TMEM117: variants seen among roughly 807,000 people sequenced by gnomAD.
TMEM117 encodes the protein transmembrane protein 117.
Under a neutral mutation model 52.4 loss-of-function variants are expected in TMEM117, and 27 were observed. That is an observed-to-expected ratio of 0.51 (90% CI 0.38 to 0.71). The LOEUF is 0.71. Ranked by LOEUF, TMEM117 falls within the 30% of genes least tolerant of loss-of-function variation. TMEM117 has a pLI of 0.00. For missense variants in TMEM117, 556 were observed against 630.5 expected (o/e 0.88, Z 1.26); for synonymous variants, 215 against 206.3 (o/e 1.04, Z -0.36).
intron 3 of TMEM117, among the ~76,000 whole-genome samples, chr12:44,022,766 A>G (rs1012907152): frequency 6.6e-6 from 1 of 152,190 alleles, no homozygotes; most frequent in Non-Finnish European, 1.5e-5. Context: ...TAATTGTTGT[A>G]TGTTCCTTTC....
intron 3 of TMEM117, among the ~76,000 whole-genome samples, chr12:44,074,402 C>G (rs913529847): frequency 1.3e-5 from 2 of 152,036 alleles, no homozygotes; most frequent in Non-Finnish European, 2.9e-5. Flanking sequence ...ATACCAGAAA[C>G]AAATTAATAG....
chr12:43,971,862 C>T (rs901348869), intron 3 of TMEM117, among the ~76,000 whole-genome samples: 2 of 152,230 alleles, frequency 1.3e-5, no homozygotes, highest in Non-Finnish European at 2.9e-5. Flanking sequence ...ACCTAATCAT[C>T]TTGAATAACG....
chr12:44,290,984 T>C (rs183990730), intron 5 of TMEM117, among the ~76,000 whole-genome samples: 1 of 152,284 alleles, frequency 6.6e-6, no homozygotes, highest in East Asian at 1.9e-4. Context: ...ACATCTTCTA[T>C]AGTTTTATAT....
rs58794606 is a variant in TMEM117, at chr12:43,991,437, TTATCTATCTATC to T, written c.410+47122_410+47133del. Among the ~76,000 whole-genome samples, 1,156 of 150,158 alleles carry T rather than the reference TTATCTATCTATC, an allele frequency of 7.7e-3. 7 individuals are homozygous for T. The highest frequency in any genetic ancestry group is 0.052 in the East Asian group (265 of 5,060). On this transcript the variant is annotated intron_variant, in intron 3 of 7. Coordinates refer to ENST00000266534, the MANE Select transcript of TMEM117 (RefSeq NM_032256.3). ...ATAACCAATCCACAAATATTTATTG[TTATCTATCTATC>T]TATCTATCTATCTATCTATCTATCT...
rs1278740326 is a variant in TMEM117, at chr12:44,388,091, C to A, written c.964C>A (p.Gln322Lys). 1.2e-6 allele frequency: 2 copies of A among 1,612,450 alleles called. No homozygotes were observed. The highest frequency in any genetic ancestry group is 1.7e-6 in the Non-Finnish European group (2 of 1,179,316). The change falls in exon 8 of 8, where the codon CAA (glutamine) becomes AAA (lysine). Residue 322 changes from glutamine to lysine, a missense_variant. By Grantham distance (53) the Gln-to-Lys change is moderately conservative. This residue lies in a region of TMEM117 where 22 missense variants were observed against 48.1 expected (regional missense o/e 0.46). Transcript: ENST00000266534. ...LILDLNMWKN[Q>K]IFYKPHEYGQ... ...TTTGGATCTTAATATGTGGAAGAAC[C>A]AAATATTTTATAAACCTCATGAATA... is the stretch of plus-strand genomic sequence containing the variant.
intron 3 of TMEM117, among the ~76,000 whole-genome samples, chr12:43,948,160 G>A (rs1334161624): frequency 6.6e-6 from 1 of 151,988 alleles, no homozygotes; most frequent in African/African-American, 2.4e-5. Context: ...GAGGGAAAGA[G>A]GTAAGTTAGT....
At chr12:43,968,414 A>G (rs1014997178) in intron 3 of TMEM117, among the ~76,000 whole-genome samples, 1 of 152,224 alleles carries the variant, frequency 6.6e-6, no homozygotes, top group African/African-American at 2.4e-5. Flanking sequence ...GACTTTTTCA[A>G]CAATATCAAG....
chr12:44,364,640 G>A (rs1486110061), intron 6 of TMEM117, among the ~76,000 whole-genome samples: 1 of 152,014 alleles, frequency 6.6e-6, no homozygotes, highest in Non-Finnish European at 1.5e-5. Context: ...AATCCTTTAA[G>A]TGAAGGGCTT....
rs552355991 is a variant in TMEM117 at position 43,884,544 on chromosome 12, G to A, written c.277+39616G>A. ...ATGAGGGGGTTTTGATCCCATGTCT[G>A]TCCAAAAAAGACAATTGGCTTTTCT... On this transcript the variant is annotated intron_variant, in intron 2 of 7. Transcript: ENST00000266534. Among the ~76,000 whole-genome samples, 36 of 152,176 alleles carry A rather than the reference G, an allele frequency of 2.4e-4. No individual in the cohort carries two copies. The South Asian group carries it at 7.1e-3, about 30-fold the overall frequency.
intron 5 of TMEM117, among the ~76,000 whole-genome samples, chr12:44,247,448 T>A (rs1950144498): frequency 6.6e-6 from 1 of 152,230 alleles, no homozygotes; most frequent in Non-Finnish European, 1.5e-5. Context: ...AATTTATAAT[T>A]GATACAACAA....
At chr12:43,950,754 G>T (rs1467464308) in intron 3 of TMEM117, among the ~76,000 whole-genome samples, 3 of 152,104 alleles carry the variant, frequency 2.0e-5, no homozygotes, top group Non-Finnish European at 2.9e-5. Context: ...ATTTTCCTCA[G>T]TATTTTGGCT....
chr12:43,983,729 T>TG (rs1945799976), intron 3 of TMEM117, among the ~76,000 whole-genome samples: 1 of 151,890 alleles, frequency 6.6e-6, no homozygotes, highest in Non-Finnish European at 1.5e-5. Context: ...ACTTTACATA[T>TG]GTTATCTCAT....
At chr12:43,906,812 A>C (rs1028676195) in intron 2 of TMEM117, among the ~76,000 whole-genome samples, 2 of 152,244 alleles carry the variant, frequency 1.3e-5, no homozygotes, top group Non-Finnish European at 2.9e-5. Flanking sequence ...GCGCACCAGG[A>C]GATTATATCC....
chr12:44,013,978 A>G (rs1466474520), intron 3 of TMEM117, among the ~76,000 whole-genome samples: 1 of 152,194 alleles, frequency 6.6e-6, no homozygotes, highest in Non-Finnish European at 1.5e-5. Context: ...CTGGAAGTTG[A>G]AAAAGGGTTT....
chr12:43,890,690 C>A (rs1944087371), intron 2 of TMEM117, among the ~76,000 whole-genome samples: 1 of 152,240 alleles, frequency 6.6e-6, no homozygotes, highest in South Asian at 2.1e-4. Context: ...CGCCACCACA[C>A]CCGGCTAGTT....
intron 2 of TMEM117, among the ~76,000 whole-genome samples, chr12:43,916,555 A>G (rs909082714): frequency 2.0e-5 from 3 of 152,226 alleles, no homozygotes; most frequent in African/African-American, 7.2e-5. Context: ...TTAGTTGAAC[A>G]TTTAGGATGT....
rs148587839 is a variant in TMEM117 at position 44,293,772 on chromosome 12, G to A, written c.609-5808G>A. ...TATTGTATATCTTTAACAAACTAGTGTATCTATAGTTATTTTTAATACTTT... is the reference window on the plus strand; with the variant it reads ...TATTGTATATCTTTAACAAACTAGTATATCTATAGTTATTTTTAATACTTT... On this transcript the variant is annotated intron_variant, in intron 5 of 7. Transcript: ENST00000266534. Among the ~76,000 whole-genome samples, 12 of 152,104 alleles carry A rather than the reference G, an allele frequency of 7.9e-5. No homozygotes were observed. The East Asian group carries it at 1.7e-3, about 22-fold the overall frequency.
chr12:43,867,927 T>G (rs759108431), intron 2 of TMEM117, among the ~76,000 whole-genome samples: 1 of 152,204 alleles, frequency 6.6e-6, no homozygotes, highest in Non-Finnish European at 1.5e-5. Context: ...TGAGATCTGA[T>G]GTTCACAGAA....
chr12:43,931,442 TA>T (rs1377261076), intron 2 of TMEM117, among the ~76,000 whole-genome samples: 1 of 152,110 alleles, frequency 6.6e-6, no homozygotes, highest in African/African-American at 2.4e-5. Context: ...ATATGACCCA[TA>T]ATCCAGAAGA....
Sources: allele counts gnomAD v4.1 joint callset (sites outside exome capture counted in the v4.1 genomes callset), GRCh38; gene constraint gnomAD v4.1.1; regional missense constraint gnomAD v4.1.1; transcripts MANE v1.5; gene names NCBI Gene and HGNC (gene_info 2026-07-23, HGNC 2026-07-21).